The following MNAT1 variants were observed in gnomAD, a reference collection of about 807,000 sequenced individuals.
MNAT1 encodes CDK-activating kinase assembly factor MAT1.
MNAT1 carries 43 observed loss-of-function variants against 42.0 expected under a neutral mutation model. The ratio of observed to expected loss-of-function variants is 1.02; its 90% CI spans 0.80 to 1.32. The LOEUF is 1.32. MNAT1 is among the 40% of genes most tolerant of loss of function. The probability of loss-of-function intolerance (pLI) is 0.00; values close to 1 mark genes in which losing one functional copy is unlikely to be tolerated. For synonymous variants in MNAT1, 118 were observed against 120.0 expected (o/e 0.98, Z 0.11); for missense variants, 306 against 350.4 (o/e 0.87, Z 1.01).
At chr14:60,802,333 A>C (rs574585622) in intron 3 of MNAT1, among the ~76,000 whole-genome samples, 1 of 152,204 alleles carries the variant, frequency 6.6e-6, no homozygotes, top group Admixed American at 6.5e-5. Context: ...TAGATTTTCA[A>C]TGTCCTTGCT....
chr14:60,765,302 C>G (rs1253510967), intron 1 of MNAT1, among the ~76,000 whole-genome samples: 1 of 152,024 alleles, frequency 6.6e-6, no homozygotes, highest in Non-Finnish European at 1.5e-5. Context: ...ACGTCTCACT[C>G]ATAAGTGGGA....
At chr14:60,774,983 A>T (rs751609805) in intron 1 of MNAT1, among the ~76,000 whole-genome samples, 1 of 152,084 alleles carries the variant, frequency 6.6e-6, no homozygotes, top group East Asian at 1.9e-4. Flanking sequence ...GAGCTGAGGG[A>T]TGAGATCAGG....
At chr14:60,817,967 T>C (rs963536677) in intron 5 of MNAT1, among the ~76,000 whole-genome samples, 1 of 151,860 alleles carries the variant, frequency 6.6e-6, no homozygotes, top group Admixed American at 6.6e-5. Context: ...CTTCTGCATA[T>C]GTTTTTGGAT....
rs1896438696 is a variant in MNAT1, at chr14:60,740,767, T to C, written c.89+5816T>C. 6.6e-6 allele frequency among the ~76,000 whole-genome samples: 1 copy of C among 152,232 alleles called. No individual in the cohort carries two copies. Among genetic ancestry groups the C allele is most frequent in the Non-Finnish European group, 1.5e-5 (1 of 68,036 alleles). On this transcript the variant is annotated intron_variant, in intron 1 of 7. Transcript: ENST00000261245. The surrounding 1 kb of genome is among the most constrained non-coding windows in gnomAD (Gnocchi z 4.1). ...CTTTTGAAGTTTTCTGAAAGCTTGC[T>C]TATGGTCCAGCATATGGCCTGTCTT...
intron 6 of MNAT1, among the ~76,000 whole-genome samples, chr14:60,825,992 A>G (rs1429362726): frequency 6.6e-6 from 1 of 152,236 alleles, no homozygotes; most frequent in Non-Finnish European, 1.5e-5. Flanking sequence ...GTGACAGAAA[A>G]GACTGAATTT....
intron 6 of MNAT1, among the ~76,000 whole-genome samples, chr14:60,871,540 T>C (rs1271510304): frequency 6.6e-6 from 1 of 152,208 alleles, no homozygotes; most frequent in Admixed American, 6.5e-5. Flanking sequence ...GAGCATCTTT[T>C]CATGTTCTTA....
chr14:60,825,378 AT>A (rs2033024805), intron 6 of MNAT1, among the ~76,000 whole-genome samples: 1 of 152,224 alleles, frequency 6.6e-6, no homozygotes, highest in South Asian at 2.1e-4. Flanking sequence ...CTAAATGTTT[AT>A]GAAGTTAAGT....
chr14:60,857,343 T>A (rs1049444537), intron 6 of MNAT1, among the ~76,000 whole-genome samples: 7 of 151,780 alleles, frequency 4.6e-5, no homozygotes, highest in Non-Finnish European at 8.8e-5. Flanking sequence ...TAACTGCAGA[T>A]GTGGTAGAAA....
At chr14:60,782,107 A>G (rs2031484469) in intron 1 of MNAT1, among the ~76,000 whole-genome samples, 1 of 152,004 alleles carries the variant, frequency 6.6e-6, no homozygotes, top group African/African-American at 2.4e-5. Flanking sequence ...TGAGTAATTG[A>G]ATAACTGGTA....
intron 7 of MNAT1, among the ~76,000 whole-genome samples, chr14:60,962,967 G>T (rs2036622081): frequency 6.6e-6 from 1 of 151,068 alleles, no homozygotes; most frequent in African/African-American, 2.5e-5. Flanking sequence ...TGGACTTCAT[G>T]AAGCCATATG....
intron 7 of MNAT1, among the ~76,000 whole-genome samples, chr14:60,916,588 G>A (rs1006938869): frequency 2.0e-5 from 3 of 152,130 alleles, no homozygotes; most frequent in African/African-American, 7.2e-5. Context: ...CTAGGAATTC[G>A]AGGCTGCAGT....
chr14:60,767,937 T>C (rs571687367), intron 1 of MNAT1, among the ~76,000 whole-genome samples: 1 of 152,188 alleles, frequency 6.6e-6, no homozygotes, highest in African/African-American at 2.4e-5. Context: ...CTAATTTTTT[T>C]TGTGTTTTAG....
intron 1 of MNAT1, among the ~76,000 whole-genome samples, chr14:60,747,705 C>T (rs981351491): frequency 6.6e-6 from 1 of 152,156 alleles, no homozygotes; most frequent in African/African-American, 2.4e-5. Flanking sequence ...ACTTAGGCTA[C>T]ACTAAATTTA....
At chr14:60,909,468 A>G (rs532615691) in intron 7 of MNAT1, among the ~76,000 whole-genome samples, 8 of 152,298 alleles carry the variant, frequency 5.3e-5, no homozygotes, top group African/African-American at 1.9e-4. Context: ...TCTAACATAT[A>G]AGTCTTTAAT....
intron 7 of MNAT1, among the ~76,000 whole-genome samples, chr14:60,942,443 A>AT (rs71114169): frequency 0.81 from 115,774 of 143,200 alleles, 48,281 homozygotes; most frequent in Non-Finnish European, 0.92. Flanking sequence ...TTCTCTCTTA[A>AT]TTTTTTTTTT....
intron 6 of MNAT1, among the ~76,000 whole-genome samples, chr14:60,855,939 C>G (rs2033948323): frequency 6.6e-6 from 1 of 152,150 alleles, no homozygotes; most frequent in African/African-American, 2.4e-5. Context: ...TCTCTCATCT[C>G]TCTCCTTCTC....
At chr14:60,841,634 AT>A (rs113486939) in intron 6 of MNAT1, among the ~76,000 whole-genome samples, 1 of 151,336 alleles carries the variant, frequency 6.6e-6, no homozygotes, top group Non-Finnish European at 1.5e-5. Context: ...CTATTGACTG[AT>A]TTTTTTTTCC....
At chr14:60,936,642 T>G (rs1039166578) in intron 7 of MNAT1, among the ~76,000 whole-genome samples, 4 of 152,156 alleles carry the variant, frequency 2.6e-5, no homozygotes, top group African/African-American at 9.7e-5. Context: ...ACATTTGACT[T>G]GGTTCCAAGT....
chr14:60,792,431 C>T (rs565842224), intron 1 of MNAT1, among the ~76,000 whole-genome samples: 131 of 152,202 alleles, frequency 8.6e-4, no homozygotes, highest in Non-Finnish European at 1.6e-3. Flanking sequence ...GAATTTAGTA[C>T]ACATGGGCTT....
Sources: allele counts gnomAD v4.1 joint callset (sites outside exome capture counted in the v4.1 genomes callset), GRCh38; gene constraint gnomAD v4.1.1; non-coding constraint Gnocchi (gnomAD v3.1); transcripts MANE v1.5; gene names NCBI Gene and HGNC (gene_info 2026-07-23, HGNC 2026-07-21).